Variants in SEC63 observed in about 807,000 individuals in gnomAD.
SEC63 encodes the protein SEC63 protein translocation regulator, also known as translocation protein SEC63 homolog.
A neutral mutation model predicts 116.2 loss-of-function variants in SEC63; 56 were observed. The observed-to-expected ratio is 0.48, with a 90% CI of 0.39 to 0.60. The LOEUF (loss-of-function observed/expected upper bound fraction) is 0.60. Among genes scored for constraint, SEC63 ranks in the 20% least tolerant of loss-of-function variants. The pLI is 0.00. For synonymous variants in SEC63, 273 were observed against 294.6 expected (o/e 0.93, Z 0.75); for missense variants, 668 against 900.0 (o/e 0.74, Z 3.30).
intron 4 of SEC63, among the ~76,000 whole-genome samples, chr6:107,918,099 G>A (rs149049876): frequency 6.6e-6 from 1 of 152,280 alleles, no homozygotes; most frequent in Non-Finnish European, 1.5e-5. Flanking sequence ...CAATGCTGGT[G>A]TGCCATTCCA....
At chr6:107,882,647 A>T (rs1273712790) in intron 17 of SEC63, among the ~76,000 whole-genome samples, 1 of 152,126 alleles carries the variant, frequency 6.6e-6, no homozygotes, top group Non-Finnish European at 1.5e-5. Flanking sequence ...TGCATTTCAC[A>T]AACACCTTTC....
chr6:107,880,068 C>T (rs959957309), intron 18 of SEC63, among the ~76,000 whole-genome samples: 1 of 152,212 alleles, frequency 6.6e-6, no homozygotes, highest in Non-Finnish European at 1.5e-5. Context: ...TTGGTGTTGG[C>T]AGGCTACCTC....
In SEC63 at chr6:107,929,398, TGAAA is replaced by T. The variant is rs1306878325; in HGVS notation, c.224+13_224+16del. On this transcript the variant is annotated intron_variant, in intron 2 of 20. Transcript: ENST00000369002. The stretch of plus-strand genomic sequence containing the variant: ...GTAAGCATTAAGTAGGTTTTTTTCT[TGAAA>T]TCCATTACTTACTTTACTGTAGGAA... 1 of 1,377,372 alleles carries T rather than the reference TGAAA, an allele frequency of 7.3e-7. No individual in the cohort carries two copies. 85.3% of individuals were successfully genotyped at this position (1,377,372 alleles called of 1,614,324 possible).
intron 20 of SEC63, 151 bp from the exon 21 acceptor site, chr6:107,871,998 CAG>C (rs1786146661): frequency 2.7e-6 from 2 of 731,978 alleles, no homozygotes; most frequent in Admixed American, 4.9e-5. Flanking sequence ...TCATTTAGAA[CAG>C]ACACTTCATC....
intron 7 of SEC63, 128 bp downstream of exon 7, chr6:107,911,218 G>T: frequency 1.4e-6 from 1 of 739,572 alleles, no homozygotes; most frequent in Non-Finnish European, 2.3e-6. Context: ...CACCTTCAGT[G>T]GCAAGACTCT....
intron 2 of SEC63, among the ~76,000 whole-genome samples, chr6:107,925,259 C>T (rs1336116312): frequency 6.6e-6 from 1 of 152,054 alleles, no homozygotes; most frequent in African/African-American, 2.4e-5. Context: ...ACTAAGTAAA[C>T]CATTTAATGT....
chr6:107,943,192 A>G (rs1354821764), intron 1 of SEC63, among the ~76,000 whole-genome samples: 1 of 152,258 alleles, frequency 6.6e-6, no homozygotes, highest in Non-Finnish European at 1.5e-5. Flanking sequence ...AGCAAAGAAG[A>G]TGGCTATAAA....
intron 18 of SEC63, 25 bp downstream of exon 18, chr6:107,881,124 A>G: frequency 6.8e-7 from 1 of 1,466,058 alleles, no homozygotes; most frequent in South Asian, 1.1e-5. Context: ...GGAATAAGGA[A>G]CACAGTAGCC....
intron 1 of SEC63, among the ~76,000 whole-genome samples, chr6:107,933,687 C>A (rs974300119): frequency 6.6e-6 from 1 of 151,726 alleles, no homozygotes; most frequent in Admixed American, 6.6e-5. Context: ...TGCCCCTGCC[C>A]CTGCCCCTGC....
chr6:107,922,261 T>C (rs1283855300), intron 3 of SEC63, among the ~76,000 whole-genome samples: 2 of 152,218 alleles, frequency 1.3e-5, no homozygotes, highest in African/African-American at 2.4e-5. Flanking sequence ...TCCCAGCACT[T>C]TGGAAGCCAA....
intron 16 of SEC63, among the ~76,000 whole-genome samples, chr6:107,891,667 T>G (rs1228633187): frequency 2.0e-5 from 3 of 152,212 alleles, no homozygotes; most frequent in Non-Finnish European, 4.4e-5. Context: ...TCAGCCTTTT[T>G]GGGCTGATTT....
chr6:107,954,448 C>A (rs547258914), intron 1 of SEC63: 17 of 136,864 alleles, frequency 1.2e-4, no homozygotes, highest in African/African-American at 4.7e-4. Flanking sequence ...GTGAGAAACA[C>A]CCAAGAATGA....
At chr6:107,871,979 T>A in intron 20 of SEC63, 132 bp from the exon 21 acceptor site, 1 of 836,928 alleles carries the variant, frequency 1.2e-6, no homozygotes, top group Non-Finnish European at 1.9e-6. Flanking sequence ...AATTCTAAAT[T>A]CAACTCATTC....
intron 2 of SEC63, among the ~76,000 whole-genome samples, chr6:107,926,817 A>G (rs1787686242): frequency 6.6e-6 from 1 of 152,174 alleles, no homozygotes; most frequent in South Asian, 2.1e-4. Flanking sequence ...TACATGGAGC[A>G]TCCAGTTCTC....
In SEC63 at chr6:107,882,970, TA is replaced by T. The variant is rs1326726515; in HGVS notation, c.1833+17del. On this transcript the variant is annotated intron_variant, in intron 17 of 20. Coordinates refer to ENST00000369002, the MANE Select transcript of SEC63 (RefSeq NM_007214.5). ...TATAATTCCAATTATTTAAATTATT[TA>T]AACCTATAAGGCTTACTGCTTCATC... The T allele has an allele frequency of 1.3e-6, 2 of 1,491,710 alleles. No individual in the cohort carries two copies. Among genetic ancestry groups the T allele is most frequent in the Non-Finnish European group, 1.9e-6 (2 of 1,073,716 alleles). 92.4% of individuals were successfully genotyped at this position (1,491,710 alleles called of 1,614,324 possible). A position where few individuals can be genotyped will look rare whatever the true frequency, so the allele number is the denominator to read the frequency against.
At position 107,929,505 on chromosome 6, in the gene SEC63, C is replaced by A; in HGVS notation, c.134G>T (p.Arg45Leu). ...WPRDQNAEQI[R>L]LKNIRKVYGR... is the part of the protein sequence containing the mutation. ...ATATACTTTTCTGATATTCTTTAAT[C>A]GAATTTGCTCTGTCAAGAAAGAAAA... Residue 45 changes from arginine (R) to leucine (L), a missense_variant, in exon 2 of 21, where the codon CGA becomes CTA. Arg to Leu is a moderately radical substitution (Grantham distance 102). Around this residue, in one of 5 missense-constraint regions of SEC63, gnomAD observed 142 missense variants for 169.5 expected, o/e 0.84. Coordinates refer to ENST00000369002, the MANE Select transcript of SEC63 (RefSeq NM_007214.5). The A allele has an allele frequency of 6.3e-7, 1 of 1,585,572 alleles. No homozygotes were observed. The highest frequency in any genetic ancestry group is 8.7e-7 in the Non-Finnish European group (1 of 1,154,658).
At chr6:107,894,379 C>T (rs1786765392) in intron 14 of SEC63, among the ~76,000 whole-genome samples, 2 of 152,230 alleles carry the variant, frequency 1.3e-5, no homozygotes, top group Middle Eastern at 3.4e-3. Context: ...AGACTAAGAA[C>T]TGAATCATCA....
intron 4 of SEC63, among the ~76,000 whole-genome samples, chr6:107,917,716 T>C (rs928309592): frequency 7.9e-5 from 12 of 152,218 alleles, no homozygotes; most frequent in African/African-American, 2.9e-4. Flanking sequence ...ACCCACAATG[T>C]TCCCTTAAAC....
rs1230661565 is a variant in SEC63 at position 107,901,535 on chromosome 6, AG to A, written c.1210-19del. 2 of 1,484,042 alleles carry A rather than the reference AG, an allele frequency of 1.3e-6. No homozygotes were observed. Among genetic ancestry groups the A allele is most frequent in the East Asian group, 2.4e-5 (1 of 42,262 alleles). The allele number at this position is 1,484,042 out of a possible 1,614,324, so 91.9% of individuals were successfully genotyped here. On this transcript the variant is annotated intron_variant, in intron 12 of 20. Coordinates refer to ENST00000369002, the MANE Select transcript of SEC63 (RefSeq NM_007214.5). ...ATTTTATACTGAATAAAAAAAAAAAAGAAAATACATAATTCCCTAACTCACA... is the reference window on the plus strand; with the variant it reads ...ATTTTATACTGAATAAAAAAAAAAAAAAAATACATAATTCCCTAACTCACA...
Sources: gnomAD v4.1 joint callset for allele counts (sites outside exome capture counted in the v4.1 genomes callset) on GRCh38, gnomAD v4.1.1 for gene constraint, gnomAD v4.1.1 regional missense constraint, MANE v1.5 for transcripts, NCBI Gene and HGNC (gene_info 2026-07-23, HGNC 2026-07-21) for gene names.